Variants in SMAD5 observed in about 807,000 individuals in gnomAD.
SMAD5 encodes SMAD family member 5.
In SMAD5, 9 loss-of-function variants were observed where a neutral mutation model predicts 43.1. The observed-to-expected ratio is 0.21, with a 90% CI of 0.13 to 0.36. The LOEUF is 0.36. SMAD5 is among the 10% of genes least tolerant of loss of function. The pLI is 1.00. For missense variants in SMAD5, 348 were observed against 574.0 expected, an observed-to-expected ratio of 0.61 and a Z score of 4.02; for synonymous variants, 190 against 192.4, an observed-to-expected ratio of 0.99 and a Z score of 0.10.
In SMAD5 at chr5:136,177,333, A is replaced by T. The variant is rs747815316; in HGVS notation, c.1255-4A>T. 5 of 1,613,482 alleles carry T rather than the reference A, an allele frequency of 3.1e-6. No homozygotes were observed. Among genetic ancestry groups the T allele is most frequent in the Non-Finnish European group, 4.2e-6 (5 of 1,179,646 alleles). On this transcript the variant is annotated splice_region_variant and splice_polypyrimidine_tract_variant and intron_variant, in intron 7 of 7. Transcript: ENST00000545279. ...TTTGTGATGATATCTGTTCATTTTC[A>T]TAGGGTTGGGGAGCAGAATATCACC...
chr5:136,146,480 A>T (rs1460434176), intron 1 of SMAD5, among the ~76,000 whole-genome samples: 1 of 151,796 alleles, frequency 6.6e-6, no homozygotes, highest in Admixed American at 6.6e-5. Flanking sequence ...GAAAAATTGA[A>T]TCAACTTTTC....
At chr5:136,156,550 T>C (rs896128548) in intron 3 of SMAD5, among the ~76,000 whole-genome samples, 2 of 152,210 alleles carry the variant, frequency 1.3e-5, no homozygotes, top group African/African-American at 4.8e-5. Flanking sequence ...ACAGTTGGTA[T>C]GATATGATTC....
chr5:136,165,381 G>T (rs993911787), intron 5 of SMAD5, among the ~76,000 whole-genome samples: 45 of 151,510 alleles, frequency 3.0e-4, no homozygotes, highest in African/African-American at 9.9e-4. Context: ...TTTTTTGTTT[G>T]TTTGTTTGTT....
chr5:136,141,211 T>C (rs1461212359), intron 1 of SMAD5, among the ~76,000 whole-genome samples: 2 of 152,176 alleles, frequency 1.3e-5, no homozygotes, highest in Non-Finnish European at 2.9e-5. Flanking sequence ...TCAAAAGACA[T>C]TCCAGTATAG....
intron 5 of SMAD5, among the ~76,000 whole-genome samples, chr5:136,168,072 C>A (rs2149777907): frequency 1.3e-5 from 2 of 152,226 alleles, no homozygotes; most frequent in Middle Eastern, 6.8e-3. Flanking sequence ...AACTCCTGAC[C>A]TCACATGATC....
intron 5 of SMAD5, among the ~76,000 whole-genome samples, chr5:136,167,892 G>A (rs1448368094): frequency 2.0e-5 from 3 of 151,248 alleles, no homozygotes; most frequent in East Asian, 1.9e-4. Context: ...TTTTGAGACG[G>A]AATCTCGCTC....
chr5:136,144,123 A>T (rs754417056), intron 1 of SMAD5, among the ~76,000 whole-genome samples: 2 of 152,082 alleles, frequency 1.3e-5, no homozygotes, highest in Non-Finnish European at 2.9e-5. Context: ...AGTTTTGATG[A>T]AAATTGACTG....
intron 3 of SMAD5, among the ~76,000 whole-genome samples, chr5:136,159,398 G>A (rs912368107): frequency 1.3e-5 from 2 of 152,076 alleles, no homozygotes; most frequent in African/African-American, 4.8e-5. Context: ...AGGAATTGCA[G>A]TTTTTGTTAT....
intron 1 of SMAD5, among the ~76,000 whole-genome samples, chr5:136,142,510 T>C (rs1202350088): frequency 6.6e-6 from 1 of 152,140 alleles, no homozygotes; most frequent in Non-Finnish European, 1.5e-5. Flanking sequence ...TACACAGGAA[T>C]TTCTAAATAT....
rs79730149 is a variant in SMAD5, at chr5:136,153,536, A to G, written c.-169-56A>G. 611 of 396,306 alleles carry G rather than the reference A, an allele frequency of 1.5e-3. 7 individuals are homozygous for G. Among genetic ancestry groups the G allele is most frequent in the African/African-American group, 0.011 (536 of 48,262 alleles). 24.5% of individuals were successfully genotyped at this position (396,306 alleles called of 1,614,324 possible). A position where few individuals can be genotyped will look rare whatever the true frequency, so the allele number is the denominator to read the frequency against. ...TATGCCTTTCGATTATATTAATTTA[A>G]ATTTGTATATATTGAATTGATTTAA... On this transcript the variant is annotated intron_variant, in intron 2 of 7. Transcript: ENST00000545279.
At chr5:136,144,546 CTT>C (rs1267185959) in intron 1 of SMAD5, among the ~76,000 whole-genome samples, 1 of 151,432 alleles carries the variant, frequency 6.6e-6, no homozygotes, top group Non-Finnish European at 1.5e-5. Flanking sequence ...AGCCTATTGA[CTT>C]TTTGGTTTTC....
intron 3 of SMAD5, among the ~76,000 whole-genome samples, chr5:136,156,812 A>AT (rs1330712117): frequency 5.3e-5 from 8 of 152,188 alleles, no homozygotes; most frequent in Admixed American, 3.9e-4. Context: ...AGACTGGGGC[A>AT]TAGCTCTGAT....
At chr5:136,155,388 A>G (rs1453114887) in intron 3 of SMAD5, among the ~76,000 whole-genome samples, 1 of 152,224 alleles carries the variant, frequency 6.6e-6, no homozygotes, top group Non-Finnish European at 1.5e-5. Flanking sequence ...CATTTGTGAC[A>G]TCACTACTTT....
intron 7 of SMAD5, among the ~76,000 whole-genome samples, chr5:136,174,975 A>T (rs1450927625): frequency 6.6e-6 from 1 of 152,228 alleles, no homozygotes; most frequent in African/African-American, 2.4e-5. Flanking sequence ...TGGGTAATTT[A>T]TGAAGAAAAA....
chr5:136,151,854 A>G lies in SMAD5; in HGVS notation c.-169-1738A>G, dbSNP rs181744820. ...TTTGACATTTCCCATCTCATCTCAGACAACCAAACCATGGTTTTACTTCCT... is the reference window on the plus strand; with the variant it reads ...TTTGACATTTCCCATCTCATCTCAGGCAACCAAACCATGGTTTTACTTCCT... On this transcript the variant is annotated intron_variant, in intron 2 of 7. Coordinates refer to ENST00000545279, the MANE Select transcript of SMAD5 (RefSeq NM_005903.7). Among the ~76,000 whole-genome samples the G allele has an allele frequency of 2.6e-5, 4 of 152,166 alleles. No homozygotes were observed. The East Asian group carries it at 5.8e-4, about 22-fold the overall frequency.
At chr5:136,170,423 A>T (rs904878193) in intron 5 of SMAD5, among the ~76,000 whole-genome samples, 2 of 151,966 alleles carry the variant, frequency 1.3e-5, no homozygotes, top group African/African-American at 4.8e-5. Flanking sequence ...TCTAAACTCT[A>T]TTCTGCTCCT....
At chr5:136,152,548 G>A (rs553594093) in intron 2 of SMAD5, 1 of 152,162 alleles carries the variant, frequency 6.6e-6, no homozygotes, top group Non-Finnish European at 1.5e-5. Flanking sequence ...CACAAGAAAG[G>A]AAGCATCTTT....
chr5:136,174,272 A>G (rs1339098005), intron 6 of SMAD5, 104 bp from the exon 7 acceptor site: 6 of 1,039,280 alleles, frequency 5.8e-6, no homozygotes, highest in Non-Finnish European at 8.5e-6. Flanking sequence ...AGACTGCTGG[A>G]AGTTTGCTGT....
At chr5:136,163,217 G>T in intron 4 of SMAD5, 55 bp from the exon 5 acceptor site, 2 of 1,473,114 alleles carry the variant, frequency 1.4e-6, no homozygotes, top group South Asian at 1.3e-5. Context: ...AAAGCTTTTA[G>T]AGTAATAATT....
Sources: gnomAD v4.1 joint callset for allele counts (sites outside exome capture counted in the v4.1 genomes callset) on GRCh38, gnomAD v4.1.1 for gene constraint, MANE v1.5 for transcripts, NCBI Gene and HGNC (gene_info 2026-07-23, HGNC 2026-07-21) for gene names.